Variants in PROC observed in about 807,000 individuals in gnomAD.
The protein encoded by PROC is vitamin K-dependent protein C.
Under a neutral mutation model 36.3 loss-of-function variants are expected in PROC, and 22 were observed. The observed-to-expected ratio is 0.61, with a 90% confidence interval of 0.43 to 0.86. The LOEUF (loss-of-function observed/expected upper bound fraction) is 0.86, where lower values mean the gene tolerates loss of function less well. Among genes scored for constraint, PROC ranks in the 40% least tolerant of loss-of-function variants. The pLI is 0.00. For synonymous variants in PROC, 218 were observed against 244.5 expected (o/e 0.89, Z 1.01); for missense variants, 526 against 629.7 (o/e 0.84, Z 1.76).
In PROC at chr2:127,423,276, G is replaced by A; in HGVS notation, c.403G>A (p.Val135Met). 1 of 1,548,392 alleles carries A rather than the reference G, an allele frequency of 6.5e-7. No homozygotes were observed. Among genetic ancestry groups the A allele is most frequent in the South Asian group, 1.2e-5 (1 of 83,972 alleles). The change falls in exon 6 of 9, where the codon GTG becomes ATG. Residue 135 changes from valine to methionine, a missense_variant and splice_region_variant. Transcript: ENST00000234071. ...CCCGCGCCCTCCCCTGCCCGCAGAG[G>A]TGAGCTTCCTCAATTGCTCGCTGGA... ...GWEGRFCQRE[V>M]SFLNCSLDNG...
rs1327125719 is a variant in PROC at position 127,418,705 on chromosome 2, G to T, written c.-22+213G>T. ...ATGCGCCTCCCTCTTTCCAGGCCAA[G>T]GGTCCCCAGGGCCCAGGGCCATTCC... On this transcript the variant is annotated intron_variant, in intron 1 of 8. Transcript: ENST00000234071. This position sits in a 1 kb window ranked among gnomAD's most constrained non-coding sequence, Gnocchi z 4.8. 6.6e-6 allele frequency among the ~76,000 whole-genome samples: 1 copy of T among 152,172 alleles called. No individual in the cohort carries two copies. The highest frequency in any genetic ancestry group is 2.4e-5 in the African/African-American group (1 of 41,460).
chr2:127,428,781 C>G lies in PROC; in HGVS notation c.1221C>G (p.Val407=), dbSNP rs747775229. 5 of 1,612,294 alleles carry G rather than the reference C, an allele frequency of 3.1e-6. No individual in the cohort carries two copies. Among genetic ancestry groups the G allele is most frequent in the Non-Finnish European group, 4.2e-6 (5 of 1,179,210 alleles). ...AGGGCGACAGTGGGGGGCCCATGGT[C>G]GCCTCCTTCCACGGCACCTGGTTCC... ...ACEGDSGGPM[V]ASFHGTWFLV... is the part of the protein sequence containing the mutation. The change falls in exon 9 of 9, where the codon GTC becomes GTG. Residue 407 remains valine (V), a synonymous_variant. Transcript: ENST00000234071.
intron 6 of PROC, among the ~76,000 whole-genome samples, chr2:127,424,759 G>C (rs1198062173): frequency 6.6e-6 from 1 of 152,254 alleles, no homozygotes; most frequent in Admixed American, 6.5e-5. Flanking sequence ...GCAAAGAAAT[G>C]CCTGGTGGGC....
intron 1 of PROC, 135 bp from the exon 2 acceptor site, chr2:127,419,787 C>A (rs911636899): frequency 2.0e-6 from 3 of 1,534,080 alleles, no homozygotes; most frequent in Middle Eastern, 3.9e-4. Context: ...CTCTAGCGAA[C>A]AAGGACCCTC....
Position 127,426,383 on chromosome 2 carries a change from C to T in PROC, c.678+156C>T, listed in dbSNP as rs1335961464. 1.2e-5 allele frequency: 14 copies of T among 1,150,802 alleles called. No homozygotes were observed. The highest frequency in any genetic ancestry group is 2.7e-4 in the Middle Eastern group (1 of 3,728). 71.3% of individuals were successfully genotyped at this position (1,150,802 alleles called of 1,614,324 possible). A position where few individuals can be genotyped will look rare whatever the true frequency, so the allele number is the denominator to read the frequency against. ...GGGGGATGCTTCAGGGAAAGATGGA[C>T]GCAACCTGAGGGGAGAGGAGCAGCC... is the stretch of plus-strand genomic sequence containing the variant. On this transcript the variant is annotated intron_variant, in intron 7 of 8. Coordinates refer to ENST00000234071, the MANE Select transcript of PROC (RefSeq NM_000312.4). This position sits in a 1 kb window ranked among gnomAD's most constrained non-coding sequence, Gnocchi z 7.0.
Position 127,426,215 on chromosome 2 carries a change from C to G in PROC, c.666C>G (p.Asp222Glu), listed in dbSNP as rs771116175. 6 of 1,613,894 alleles carry G rather than the reference C, an allele frequency of 3.7e-6. No individual in the cohort carries two copies. Among genetic ancestry groups the G allele is most frequent in the Non-Finnish European group, 5.1e-6 (6 of 1,180,034 alleles). The change falls in exon 7 of 9, where the codon GAC (aspartate) becomes GAG (glutamate). Residue 222 changes from aspartate to glutamate, a missense_variant. Asp to Glu is a conservative substitution (Grantham distance 45, BLOSUM62 2). Transcript: ENST00000234071. The surrounding 1 kb of genome is among the most constrained non-coding windows in gnomAD (Gnocchi z 7.0). ...ATGGGAAGATGACCAGGCGGGGAGA[C>G]AGCCCCTGGCAGGTGGGAGGCGAGG... ...LIDGKMTRRG[D>E]SPWQVVLLDS...
chr2:127,422,877 A>T, intron 3 of PROC, 40 bp from the exon 4 acceptor site: 1 of 1,548,400 alleles, frequency 6.5e-7, no homozygotes, highest in South Asian at 1.2e-5. Context: ...CCCTCCGCAC[A>T]CCGGCTGCAG....
rs1573430126 is a variant in PROC, at chr2:127,418,471, A to C, written c.-43A>C. 1.6e-6 allele frequency: 2 copies of C among 1,289,686 alleles called. No individual in the cohort carries two copies. Among genetic ancestry groups the C allele is most frequent in the East Asian group, 1.1e-4 (2 of 18,036 alleles). 79.9% of individuals were successfully genotyped at this position (1,289,686 alleles called of 1,614,324 possible). A position where few individuals can be genotyped will look rare whatever the true frequency, so the allele number is the denominator to read the frequency against. On this transcript the variant is annotated 5_prime_UTR_variant, in exon 1 of 9. Transcript: ENST00000234071. The surrounding 1 kb of genome is among the most constrained non-coding windows in gnomAD (Gnocchi z 4.8). The stretch of plus-strand genomic sequence containing the variant: ...CATGGCGGCAGGACGGCGAACTTGC[A>C]GTATCTCCACGACCCGCCCCTGTGA...
In PROC at chr2:127,428,745, G is replaced by A; in HGVS notation, c.1185G>A (p.Gln395=). ...GTGCGGGCATCCTCGGGGACCGGCA[G>A]GATGCCTGCGAGGGCGACAGTGGGG... is the stretch of plus-strand genomic sequence containing the variant. ...MLCAGILGDR[Q]DACEGDSGGP... The change falls in exon 9 of 9, where the codon CAG becomes CAA. Residue 395 remains glutamine (Q), a synonymous_variant. Transcript: ENST00000234071. 3 of 1,613,398 alleles carry A rather than the reference G, an allele frequency of 1.9e-6. No homozygotes were observed. Among genetic ancestry groups the A allele is most frequent in the Non-Finnish European group, 2.5e-6 (3 of 1,179,984 alleles).
In PROC at chr2:127,423,356, C is replaced by T. The variant is rs1433503391; in HGVS notation, c.483C>T (p.Ser161=). The T allele has an allele frequency of 1.9e-6, 3 of 1,550,286 alleles. No homozygotes were observed. In the Admixed American group the frequency reaches 5.9e-5, roughly 30 times the overall value. The change falls in exon 6 of 9, where the codon AGC becomes AGT. Residue 161 remains serine (S), a synonymous_variant. Transcript: ENST00000234071. ...CLEEVGWRRC[S]CAPGYKLGDD... Reference sequence around the variant, plus strand: ...AGGAGGTGGGCTGGCGGCGCTGTAGCTGTGCGCCTGGCTACAAGCTGGGGG... The same window carrying T: ...AGGAGGTGGGCTGGCGGCGCTGTAGTTGTGCGCCTGGCTACAAGCTGGGGG...
chr2:127,422,147 C>T (rs1303208810), intron 3 of PROC, among the ~76,000 whole-genome samples: 1 of 152,208 alleles, frequency 6.6e-6, no homozygotes, highest in Non-Finnish European at 1.5e-5. Flanking sequence ...GCTTTCAGGG[C>T]AGGAGACCCT....
rs186201520 is a variant in PROC at position 127,427,736 on chromosome 2, T to A, written c.796+514T>A. Among the ~76,000 whole-genome samples, 10 of 152,348 alleles carry A rather than the reference T, an allele frequency of 6.6e-5. 1 individual carries two copies. Among genetic ancestry groups the A allele is most frequent in the Admixed American group, 3.9e-4 (6 of 15,308 alleles). Reference sequence around the variant, plus strand: ...GGAGGGGGGGTCTGGCTCAACTCTTTATGCCAAAAAGAAGGCAAAGCATAT... The same window carrying A: ...GGAGGGGGGGTCTGGCTCAACTCTTAATGCCAAAAAGAAGGCAAAGCATAT... On this transcript the variant is annotated intron_variant, in intron 8 of 8. Transcript: ENST00000234071.
intron 8 of PROC, 56 bp from the exon 9 acceptor site, chr2:127,428,301 T>C: frequency 6.4e-7 from 1 of 1,552,458 alleles, no homozygotes; most frequent in Middle Eastern, 1.8e-4. Context: ...CTCAGGAAAG[T>C]GCCACTGGGG....
At chr2:127,421,129 C>G (rs531677728) in intron 2 of PROC, among the ~76,000 whole-genome samples, 154 bp from the exon 3 acceptor site, 1 of 152,160 alleles carries the variant, frequency 6.6e-6, no homozygotes, top group Non-Finnish European at 1.5e-5. Context: ...AGGACCCCTG[C>G]GCCAAGCCAT....
At position 127,418,954 on chromosome 2, in the gene PROC, T is replaced by A; in HGVS notation, c.-22+462T>A. On this transcript the variant is annotated intron_variant, in intron 1 of 8. Transcript: ENST00000234071. The surrounding 1 kb of genome is among the most constrained non-coding windows in gnomAD (Gnocchi z 4.8). ...CTCTGTGGCCTTTTGGAGCACCTGG[T>A]GGTTTGGGGCAGGGGTTGAATTTCC... Among the ~76,000 whole-genome samples, 1 of 152,106 alleles carries A rather than the reference T, an allele frequency of 6.6e-6. No homozygotes were observed.
At position 127,428,575 on chromosome 2, in the gene PROC, G is replaced by A. The variant is rs121918158; in HGVS notation, c.1015G>A (p.Val339Met). 8.1e-6 allele frequency: 13 copies of A among 1,613,844 alleles called. No homozygotes were observed. Among genetic ancestry groups the A allele is most frequent in the East Asian group, 6.7e-5 (3 of 44,890 alleles). Residue 339 changes from valine to methionine, a missense_variant, in exon 9 of 9, where the codon GTG (valine) becomes ATG (methionine). Physicochemically the swap from Val to Met is conservative, Grantham distance 21. Coordinates refer to ENST00000234071, the MANE Select transcript of PROC (RefSeq NM_000312.4). ...ELNQAGQETL[V>M]TGWGYHSSRE... is the part of the protein sequence containing the mutation. ...CAATCAGGCCGGCCAGGAGACCCTC[G>A]TGACGGGCTGGGGCTACCACAGCAG...
intron 1 of PROC, among the ~76,000 whole-genome samples, chr2:127,419,258 T>C (rs1296793067): frequency 6.6e-6 from 1 of 152,118 alleles, no homozygotes; most frequent in Non-Finnish European, 1.5e-5. Flanking sequence ...TGAAATGGGG[T>C]TGACAGCATT....
In PROC at chr2:127,421,561, GGTGGCTGA is replaced by G. The variant is rs1052414759; in HGVS notation, c.237+117_237+124del. The G allele has an allele frequency of 3.8e-6, 5 of 1,323,242 alleles. No homozygotes were observed. In the African/African-American group the frequency reaches 5.8e-5, roughly 15 times the overall value. The allele number at this position is 1,323,242 out of a possible 1,614,324, so 82.0% of individuals were successfully genotyped here. The stretch of plus-strand genomic sequence containing the variant: ...CTGAGGCCCTCTTAGGAGTTGTGGG[GGTGGCTGA>G]GTGGAGCGATTAGGATGCTGGCCCT... On this transcript the variant is annotated intron_variant, in intron 3 of 8. Coordinates refer to ENST00000234071, the MANE Select transcript of PROC (RefSeq NM_000312.4).
chr2:127,420,624 C>T (rs548120331), intron 2 of PROC, among the ~76,000 whole-genome samples: 1 of 152,186 alleles, frequency 6.6e-6, no homozygotes, highest in South Asian at 2.1e-4. Flanking sequence ...TTCCCCCATC[C>T]CTTCTTGCTC....
Sources: allele counts gnomAD v4.1 joint callset (sites outside exome capture counted in the v4.1 genomes callset), GRCh38; gene constraint gnomAD v4.1.1; non-coding constraint Gnocchi (gnomAD v3.1); transcripts MANE v1.5; gene names NCBI Gene and HGNC (gene_info 2026-07-23, HGNC 2026-07-21).